ADARB1: variants seen among roughly 807,000 people sequenced by gnomAD.
ADARB1 encodes the protein double-stranded RNA-specific editase 1.
ADARB1 carries 10 observed loss-of-function variants against 52.4 expected under a neutral mutation model. The ratio of observed to expected loss-of-function variants is 0.19; its 90% confidence interval spans 0.12 to 0.32. ADARB1 has a LOEUF of 0.32. ADARB1 is among the 10% of genes least tolerant of loss of function. ADARB1 has a pLI of 1.00. For missense variants in ADARB1, 643 were observed against 922.3 expected (o/e 0.70, Z 3.92); for synonymous variants, 349 against 371.1 (o/e 0.94, Z 0.68).
At chr21:45,138,751 G>A (rs2089532223) in intron 2 of ADARB1, among the ~76,000 whole-genome samples, 1 of 152,152 alleles carries the variant, frequency 6.6e-6, no homozygotes. Context: ...TACCAAGCCT[G>A]AAACCACGCC....
intron 9 of ADARB1, among the ~76,000 whole-genome samples, chr21:45,214,831 T>G (rs1342578990): frequency 6.6e-6 from 1 of 152,244 alleles, no homozygotes; most frequent in Non-Finnish European, 1.5e-5. Flanking sequence ...ACTTTGTACT[T>G]TTTCAAAGTT....
Position 45,220,897 on chromosome 21 carries a change from G to A in ADARB1, c.1809G>A (p.Thr603=), listed in dbSNP as rs1167352441. The part of the protein sequence containing the change: ...GKAPNFSVNW[T]VGDSAIEVIN... ...CCCCCAACTTCAGTGTCAACTGGACGGTAGGCGACTCCGCTATTGAGGTCA... is the reference window on the plus strand; with the variant it reads ...CCCCCAACTTCAGTGTCAACTGGACAGTAGGCGACTCCGCTATTGAGGTCA... Residue 603 remains threonine (T), a synonymous_variant, in exon 10 of 11, where the codon ACG becomes ACA. Coordinates refer to ENST00000348831, the MANE Select transcript of ADARB1 (RefSeq NM_001112.4). The surrounding 1 kb of genome is among the most constrained non-coding windows in gnomAD (Gnocchi z 6.3). 4.3e-6 allele frequency: 7 copies of A among 1,613,456 alleles called. No individual in the cohort carries two copies. Among genetic ancestry groups the A allele is most frequent in the Admixed American group, 1.7e-5 (1 of 60,024 alleles).
chr21:45,171,581 C>T (rs745649690), intron 2 of ADARB1, 29 bp from the exon 3 acceptor site: 2 of 1,426,152 alleles, frequency 1.4e-6, no homozygotes, highest in Non-Finnish European at 2.0e-6. Context: ...CATAGGCACA[C>T]TAAATGCTAT....
chr21:45,171,647 G>A lies in ADARB1; in HGVS notation c.-10G>A. On this transcript the variant is annotated 5_prime_UTR_variant, in exon 3 of 11. Transcript: ENST00000348831. Reference sequence around the variant, plus strand: ...TCCGCCAGTCAAGAAACCCTCAAAAGTATTTTGCCATGGATATAGAAGATG... The same window carrying A: ...TCCGCCAGTCAAGAAACCCTCAAAAATATTTTGCCATGGATATAGAAGATG... 6.2e-7 allele frequency: 1 copy of A among 1,613,866 alleles called. No individual in the cohort carries two copies. The highest frequency in any genetic ancestry group is 8.5e-7 in the Non-Finnish European group (1 of 1,179,848).
At chr21:45,102,272 G>A (rs79145649) in intron 1 of ADARB1, among the ~76,000 whole-genome samples, 2,152 of 152,268 alleles carry the variant, frequency 0.014, 49 homozygotes, top group African/African-American at 0.05. Context: ...CAGCACAAGG[G>A]TTTAAAATAA....
At chr21:45,185,162 C>T in intron 8 of ADARB1, 71 bp downstream of exon 8, 1 of 1,536,688 alleles carries the variant, frequency 6.5e-7, no homozygotes, top group Non-Finnish European at 8.8e-7. Context: ...GCCAACCTCC[C>T]TTTTCCACAA....
In ADARB1 at chr21:45,162,018, C is replaced by G. The variant is rs1043600453; in HGVS notation, c.-47-9592C>G. Among the ~76,000 whole-genome samples the G allele has an allele frequency of 4.6e-5, 7 of 152,178 alleles. No individual in the cohort carries two copies. In the South Asian group the frequency reaches 6.2e-4, roughly 14 times the overall value. On this transcript the variant is annotated intron_variant, in intron 2 of 10. Transcript: ENST00000348831. ...TCTTCCTGGACATGGGAGAAGAACT[C>G]AGGACCTGCTGAATGGCAGGTCTGA...
chr21:45,185,722 T>C (rs915840365), intron 8 of ADARB1, among the ~76,000 whole-genome samples: 3 of 152,230 alleles, frequency 2.0e-5, no homozygotes, highest in Admixed American at 6.5e-5. Flanking sequence ...AGTAGTTCTT[T>C]GTTTTCATTT....
rs1187990309 is a variant in ADARB1, at chr21:45,128,899, G to A, written c.-48+326G>A. On this transcript the variant is annotated intron_variant, in intron 2 of 10. Coordinates refer to ENST00000348831, the MANE Select transcript of ADARB1 (RefSeq NM_001112.4). The surrounding 1 kb of genome is among the most constrained non-coding windows in gnomAD (Gnocchi z 4.6). ...ATTTATTGAGTCAGTGCTTCATGCC[G>A]GGCACTAGACTTGGTGAAAGCCTTT... Among the ~76,000 whole-genome samples the A allele has an allele frequency of 5.3e-5, 8 of 152,134 alleles. No homozygotes were observed. The East Asian group carries it at 9.6e-4, about 18-fold the overall frequency.
intron 2 of ADARB1, among the ~76,000 whole-genome samples, chr21:45,160,620 T>C (rs1034501241): frequency 3.3e-5 from 5 of 152,284 alleles, no homozygotes. Flanking sequence ...CTAGATTTTA[T>C]GTGTCTGGAA....
chr21:45,223,291 T>C lies in ADARB1; in HGVS notation c.*1094T>C. ...AAATAAAAAGCATCCAAGTGAGAGC[T>C]GGTGAGACCACGTGCTGCTGGCGTA... On this transcript the variant is annotated 3_prime_UTR_variant, in exon 11 of 11. Coordinates refer to ENST00000348831, the MANE Select transcript of ADARB1 (RefSeq NM_001112.4). 1 of 985,504 alleles carries C rather than the reference T, an allele frequency of 1.0e-6. No homozygotes were observed. The highest frequency in any genetic ancestry group is 1.2e-6 in the Non-Finnish European group (1 of 829,952). The allele number at this position is 985,504 out of a possible 1,614,324, so 61.0% of individuals were successfully genotyped here.
At chr21:45,199,932 G>A (rs1017872609) in intron 8 of ADARB1, among the ~76,000 whole-genome samples, 1 of 152,180 alleles carries the variant, frequency 6.6e-6, no homozygotes, top group Non-Finnish European at 1.5e-5. Context: ...TCAGATCCAA[G>A]CCTTTTATTA....
intron 2 of ADARB1, among the ~76,000 whole-genome samples, chr21:45,134,120 G>GCC: frequency 7.8e-6 from 1 of 127,606 alleles, no homozygotes; most frequent in African/African-American, 3.1e-5. Context: ...AGTGGTGTGT[G>GCC]CGCCCGACGG....
intron 4 of ADARB1, among the ~76,000 whole-genome samples, chr21:45,178,841 C>A (rs941823916): frequency 6.6e-6 from 1 of 152,112 alleles, no homozygotes; most frequent in Non-Finnish European, 1.5e-5. Flanking sequence ...ATCCCCTCAA[C>A]GGGGTGCTGA....
chr21:45,136,667 A>G (rs1445415404), intron 2 of ADARB1, among the ~76,000 whole-genome samples: 1 of 152,232 alleles, frequency 6.6e-6, no homozygotes, highest in Non-Finnish European at 1.5e-5. Flanking sequence ...GAGCTGCCCC[A>G]CCAGCCAGCG....
At chr21:45,111,509 TGTTGGAC>T (rs1191825423) in intron 1 of ADARB1, among the ~76,000 whole-genome samples, 1 of 152,168 alleles carries the variant, frequency 6.6e-6, no homozygotes. Flanking sequence ...GCACTCTTAG[TGTTGGAC>T]GTTCTATGGG....
At chr21:45,186,188 C>T (rs2092099864) in intron 8 of ADARB1, among the ~76,000 whole-genome samples, 1 of 152,204 alleles carries the variant, frequency 6.6e-6, no homozygotes, top group African/African-American at 2.4e-5. Flanking sequence ...AGAAATGATA[C>T]TATGCTGTAA....
intron 1 of ADARB1, among the ~76,000 whole-genome samples, chr21:45,092,115 C>G (rs1399146881): frequency 6.6e-6 from 1 of 152,146 alleles, no homozygotes; most frequent in African/African-American, 2.4e-5. Flanking sequence ...TGCTTCTGGG[C>G]CTGGATTACC....
chr21:45,185,225 A>G, intron 8 of ADARB1, 134 bp downstream of exon 8: 1 of 1,220,184 alleles, frequency 8.2e-7, no homozygotes, highest in Non-Finnish European at 1.1e-6. Flanking sequence ...GTATTCTTTG[A>G]AGGACTGAGG....
Sources: gnomAD v4.1 joint callset for allele counts (sites outside exome capture counted in the v4.1 genomes callset) on GRCh38, gnomAD v4.1.1 for gene constraint, Gnocchi (gnomAD v3.1) non-coding constraint, MANE v1.5 for transcripts, NCBI Gene and HGNC (gene_info 2026-07-23, HGNC 2026-07-21) for gene names.